FAM240B: variants seen among roughly 807,000 people sequenced by gnomAD.
The protein encoded by FAM240B is protein FAM240B.
chr9:38,697,712 G>A (rs895479248), intron 2 of FAM240B, among the ~76,000 whole-genome samples: 1 of 152,160 alleles, frequency 6.6e-6, no homozygotes, highest in Non-Finnish European at 1.5e-5. Flanking sequence ...TACAATGTAT[G>A]CTCTTCAGAT....
At chr9:38,717,062 A>C (rs77998170) in intron 1 of FAM240B, among the ~76,000 whole-genome samples, 1,599 of 152,228 alleles carry the variant, frequency 0.011, 27 homozygotes, top group African/African-American at 0.036. Context: ...GCAGTTAGGC[A>C]TCTGGAAGAA....
At chr9:38,709,875 T>C (rs940299711) in intron 1 of FAM240B, among the ~76,000 whole-genome samples, 7 of 152,218 alleles carry the variant, frequency 4.6e-5, no homozygotes, top group African/African-American at 1.7e-4. Flanking sequence ...AGGTGCACAC[T>C]CACGTGCCTT....
intron 1 of FAM240B, among the ~76,000 whole-genome samples, chr9:38,714,623 A>G (rs1180191597): frequency 6.6e-6 from 1 of 152,314 alleles, no homozygotes; most frequent in Non-Finnish European, 1.5e-5. Context: ...CCTTGATGTG[A>G]CATGATGTGA....
chr9:38,705,161 G>T (rs1564000072), intron 1 of FAM240B, among the ~76,000 whole-genome samples: 2 of 152,220 alleles, frequency 1.3e-5, no homozygotes, highest in Non-Finnish European at 2.9e-5. Context: ...TCAGAGAAGT[G>T]CTTCAGCCCT....
intron 1 of FAM240B, among the ~76,000 whole-genome samples, chr9:38,708,070 G>T (rs1260591237): frequency 1.3e-5 from 2 of 152,088 alleles, no homozygotes; most frequent in Non-Finnish European, 2.9e-5. Flanking sequence ...TCTGCTTCAA[G>T]ACATGCATTC....
rs914967942 is a variant in FAM240B at position 38,702,023 on chromosome 9, T to G, written c.143+1834A>C. Among the ~76,000 whole-genome samples the G allele has an allele frequency of 3.9e-5, 6 of 152,228 alleles. No individual in the cohort carries two copies. The South Asian group carries it at 1.0e-3, about 26-fold the overall frequency. ...CATACTATATATATAAAAGTTTTAC[T>G]ATCTTGACAAAAATAAGATCATATT... On this transcript the variant is annotated intron_variant, in intron 2 of 2. Coordinates refer to ENST00000637493, the MANE Select transcript of FAM240B (RefSeq NM_001394922.1).
intron 1 of FAM240B, among the ~76,000 whole-genome samples, chr9:38,717,893 G>A (rs1821327259): frequency 1.3e-5 from 2 of 152,098 alleles, no homozygotes; most frequent in Admixed American, 6.6e-5. Flanking sequence ...AGCACTGAAG[G>A]ATATGAAATA....
intron 1 of FAM240B, among the ~76,000 whole-genome samples, chr9:38,713,155 A>G (rs529477141): frequency 6.6e-6 from 1 of 152,254 alleles, no homozygotes; most frequent in South Asian, 2.1e-4. Context: ...GATCATGATG[A>G]GTAGGCTCAT....
chr9:38,719,058 C>G (rs1296343212), intron 1 of FAM240B, among the ~76,000 whole-genome samples: 8 of 152,038 alleles, frequency 5.3e-5, no homozygotes, highest in Non-Finnish European at 1.2e-4. Context: ...AAAAAATCAT[C>G]AGCCTCAAGT....
chr9:38,696,933 T>C (rs942965326), intron 2 of FAM240B, among the ~76,000 whole-genome samples: 1 of 152,256 alleles, frequency 6.6e-6, no homozygotes, highest in African/African-American at 2.4e-5. Context: ...TATCCCATAT[T>C]TTAATTTGTA....
chr9:38,704,617 A>T (rs931597446), intron 1 of FAM240B, among the ~76,000 whole-genome samples: 1 of 152,222 alleles, frequency 6.6e-6, no homozygotes, highest in African/African-American at 2.4e-5. Flanking sequence ...CATGTGTAAG[A>T]TGCACATCAT....
chr9:38,707,665 A>T (rs541230829), intron 1 of FAM240B, among the ~76,000 whole-genome samples: 2 of 151,696 alleles, frequency 1.3e-5, no homozygotes, highest in African/African-American at 4.8e-5. Context: ...GTGGTGGCAC[A>T]TGCCTGTAAT....
chr9:38,695,044 T>C (rs1011569293), intron 2 of FAM240B, among the ~76,000 whole-genome samples, 175 bp from the exon 3 acceptor site: 1 of 152,160 alleles, frequency 6.6e-6, no homozygotes, highest in African/African-American at 2.4e-5. Context: ...AGTGAGAACA[T>C]GTGGTGTTTG....
Position 38,719,872 on chromosome 9 carries a change from A to G in FAM240B, c.-4+150T>C, listed in dbSNP as rs1162909041. On this transcript the variant is annotated intron_variant, in intron 1 of 2. Coordinates refer to ENST00000637493, the MANE Select transcript of FAM240B (RefSeq NM_001394922.1). Reference sequence around the variant, plus strand: ...TCTACTGGCCCATCTGTTATTCCCAACTGGTACAGCGTAGGTGTTCAAGGT... The same window carrying G: ...TCTACTGGCCCATCTGTTATTCCCAGCTGGTACAGCGTAGGTGTTCAAGGT... The G allele has an allele frequency of 2.0e-5, 3 of 152,192 alleles. No individual in the cohort carries two copies. In the East Asian group the frequency reaches 5.8e-4, roughly 29 times the overall value. The allele number at this position is 152,192 out of a possible 1,614,324, so 9.4% of individuals were successfully genotyped here. A position where few individuals can be genotyped will look rare whatever the true frequency, so the allele number is the denominator to read the frequency against.
chr9:38,711,566 T>C (rs1322507149), intron 1 of FAM240B, among the ~76,000 whole-genome samples: 2 of 152,216 alleles, frequency 1.3e-5, no homozygotes, highest in Non-Finnish European at 2.9e-5. Context: ...GTGCTCTCCT[T>C]AGTTTCTTGG....
At chr9:38,719,504 G>T (rs931301732) in intron 1 of FAM240B, among the ~76,000 whole-genome samples, 20 of 152,020 alleles carry the variant, frequency 1.3e-4, no homozygotes, top group African/African-American at 4.8e-4. Flanking sequence ...TCTGATGAGG[G>T]GCTAGGGAAG....
chr9:38,708,019 G>A (rs1369038564), intron 1 of FAM240B, among the ~76,000 whole-genome samples: 2 of 152,094 alleles, frequency 1.3e-5, no homozygotes, highest in East Asian at 3.9e-4. Context: ...AAGGACTGAA[G>A]CCACTGGGAG....
chr9:38,713,874 T>C (rs1004146627), intron 1 of FAM240B, among the ~76,000 whole-genome samples: 2 of 152,238 alleles, frequency 1.3e-5, no homozygotes, highest in African/African-American at 4.8e-5. Context: ...CAAATGAATG[T>C]TAAAAAGTAA....
chr9:38,707,613 CAAA>C (rs79179441), intron 1 of FAM240B, among the ~76,000 whole-genome samples: 10 of 92,372 alleles, frequency 1.1e-4, no homozygotes, highest in African/African-American at 4.2e-4. Context: ...CTAAAAAAAA[CAAA>C]AAAAAAAAAC....
Sources: allele counts gnomAD v4.1 joint callset (sites outside exome capture counted in the v4.1 genomes callset), GRCh38; gene constraint gnomAD v4.1.1; transcripts MANE v1.5; gene names NCBI Gene and HGNC (gene_info 2026-07-23, HGNC 2026-07-21).